Variants in TRPM3 observed in about 807,000 individuals in gnomAD.
TRPM3 encodes long transient receptor potential channel 3.
TRPM3 carries 77 observed loss-of-function variants against 181.2 expected under a neutral mutation model. The ratio of observed to expected loss-of-function variants is 0.42; its 90% CI spans 0.35 to 0.51. TRPM3 has a LOEUF of 0.51. Among genes scored for constraint, TRPM3 ranks in the 20% least tolerant of loss-of-function variants. The probability of loss-of-function intolerance (pLI) is 0.01; values close to 1 mark genes in which losing one functional copy is unlikely to be tolerated. For missense variants in TRPM3, 1,759 were observed against 2,196.7 expected (o/e 0.80, Z 3.98); for synonymous variants, 745 against 796.4 (o/e 0.94, Z 1.09).
chr9:70,869,398 T>C (rs1401871554), intron 1 of TRPM3, among the ~76,000 whole-genome samples: 2 of 146,406 alleles, frequency 1.4e-5, no homozygotes, highest in African/African-American at 5.1e-5. Flanking sequence ...GAAAGTGTGA[T>C]AAGGTGTTCT....
At chr9:70,601,054 G>A (rs546772907) in intron 20 of TRPM3, among the ~76,000 whole-genome samples, 4 of 152,246 alleles carry the variant, frequency 2.6e-5, no homozygotes, top group Non-Finnish European at 5.9e-5. Context: ...TCGTGGGGGA[G>A]TAGAAAGAGC....
intron 5 of TRPM3, among the ~76,000 whole-genome samples, chr9:70,837,485 C>T (rs1046759381): frequency 3.3e-5 from 5 of 152,136 alleles, no homozygotes; most frequent in African/African-American, 1.2e-4. Flanking sequence ...TTTCCATCCT[C>T]AAGTTAAAAT....
chr9:71,150,250 A>G (rs1437861063), intron 1 of TRPM3, among the ~76,000 whole-genome samples: 1 of 152,152 alleles, frequency 6.6e-6, no homozygotes, highest in Non-Finnish European at 1.5e-5. Context: ...AATAACCTCA[A>G]AACAGAAAAT....
intron 1 of TRPM3, among the ~76,000 whole-genome samples, chr9:70,966,037 C>CA (rs201624720): frequency 0.018 from 2,263 of 127,590 alleles, 34 homozygotes; most frequent in African/African-American, 0.042. Flanking sequence ...AACAAATTTA[C>CA]AAAAAAAAAA....
At chr9:70,566,851 C>T (rs541327594) in intron 22 of TRPM3, among the ~76,000 whole-genome samples, 1 of 152,196 alleles carries the variant, frequency 6.6e-6, no homozygotes, top group Non-Finnish European at 1.5e-5. Flanking sequence ...GCTCAGGTTT[C>T]CTCTCAATCC....
At chr9:71,132,111 C>G (rs2074408850) in intron 1 of TRPM3, among the ~76,000 whole-genome samples, 2 of 152,154 alleles carry the variant, frequency 1.3e-5, no homozygotes, top group Admixed American at 1.3e-4. Context: ...ATGTTGATGC[C>G]TCACAAAGTG....
chr9:70,947,368 G>GAC (rs2096945121), intron 1 of TRPM3, among the ~76,000 whole-genome samples: 1 of 152,146 alleles, frequency 6.6e-6, no homozygotes, highest in Non-Finnish European at 1.5e-5. Context: ...CAAAGCCTGT[G>GAC]CTCTATCTCC....
At chr9:71,116,832 T>C (rs1360648775) in intron 1 of TRPM3, among the ~76,000 whole-genome samples, 1 of 152,236 alleles carries the variant, frequency 6.6e-6, no homozygotes, top group Non-Finnish European at 1.5e-5. Flanking sequence ...GTGACATTAC[T>C]GACTGAATAG....
At chr9:70,607,531 C>A (rs528819559) in intron 19 of TRPM3, among the ~76,000 whole-genome samples, 2 of 152,110 alleles carry the variant, frequency 1.3e-5, no homozygotes, top group Non-Finnish European at 2.9e-5. Flanking sequence ...GACACACAGG[C>A]CCCACCACCC....
At chr9:70,741,707 G>A (rs938172516) in intron 8 of TRPM3, among the ~76,000 whole-genome samples, 2 of 152,202 alleles carry the variant, frequency 1.3e-5, no homozygotes, top group Admixed American at 6.5e-5. Flanking sequence ...ATTATTCTAA[G>A]TGAAGTAACT....
At chr9:70,743,576 G>A (rs994513198) in intron 8 of TRPM3, among the ~76,000 whole-genome samples, 2 of 152,108 alleles carry the variant, frequency 1.3e-5, no homozygotes, top group Admixed American at 1.3e-4. Context: ...GTTACATTAT[G>A]AGAGTTGCTC....
chr9:71,302,019 C>A (rs1588385943), intron 1 of TRPM3, among the ~76,000 whole-genome samples: 1 of 152,162 alleles, frequency 6.6e-6, no homozygotes, highest in East Asian at 1.9e-4. Flanking sequence ...TACTCTGAAC[C>A]ATTACAGGTA....
intron 1 of TRPM3, among the ~76,000 whole-genome samples, chr9:71,038,283 G>C (rs953698892): frequency 6.6e-6 from 1 of 152,128 alleles, no homozygotes; most frequent in Non-Finnish European, 1.5e-5. Context: ...TTGTCTTTAA[G>C]TTCAAACCTT....
chr9:70,617,829 G>T (rs1429651568), intron 17 of TRPM3, among the ~76,000 whole-genome samples: 1 of 152,152 alleles, frequency 6.6e-6, no homozygotes, highest in Non-Finnish European at 1.5e-5. Context: ...GCCAGGCATG[G>T]TGGCTTGTGC....
At chr9:70,943,847 T>C (rs544903334) in intron 1 of TRPM3, among the ~76,000 whole-genome samples, 4 of 152,300 alleles carry the variant, frequency 2.6e-5, no homozygotes, top group South Asian at 4.1e-4. Context: ...TCTCGGCTTC[T>C]TGGCTCACTG....
intron 9 of TRPM3, among the ~76,000 whole-genome samples, chr9:70,650,619 G>T (rs1465904729): frequency 6.6e-6 from 1 of 152,000 alleles, no homozygotes; most frequent in Admixed American, 6.6e-5. Flanking sequence ...CTTCTTTGGA[G>T]ACCAGTTATG....
chr9:71,376,724 A>G (rs183744077), intron 1 of TRPM3, among the ~76,000 whole-genome samples: 1 of 152,238 alleles, frequency 6.6e-6, no homozygotes, highest in East Asian at 1.9e-4. Flanking sequence ...AAAATAGGCA[A>G]TATGATTTTT....
chr9:71,307,367 A>G (rs1277992919), intron 1 of TRPM3, among the ~76,000 whole-genome samples: 1 of 152,102 alleles, frequency 6.6e-6, no homozygotes, highest in Non-Finnish European at 1.5e-5. Flanking sequence ...GATTTCTAAC[A>G]GTATTAAATT....
intron 1 of TRPM3, among the ~76,000 whole-genome samples, chr9:70,884,045 T>C (rs897064971): frequency 6.6e-5 from 10 of 152,178 alleles, no homozygotes; most frequent in Non-Finnish European, 1.5e-4. Flanking sequence ...CCAAGGTTTT[T>C]TTTTTTGATG....
Sources: allele counts gnomAD v4.1 joint callset (sites outside exome capture counted in the v4.1 genomes callset), GRCh38; gene constraint gnomAD v4.1.1; transcripts MANE v1.5; gene names NCBI Gene and HGNC (gene_info 2026-07-23, HGNC 2026-07-21).